Variants in ELFN1 observed in about 807,000 individuals in gnomAD.
ELFN1 encodes extracellular leucine rich repeat and fibronectin type III domain containing 1.
ELFN1 carries 6 observed loss-of-function variants against 7.6 expected under a neutral mutation model. That is an observed-to-expected ratio of 0.79 (90% CI 0.43 to 1.56). ELFN1 has a LOEUF of 1.56. Among genes scored for constraint, ELFN1 ranks in the 40% most tolerant of loss-of-function variants. The pLI, the probability that ELFN1 is intolerant of heterozygous loss-of-function variation, is 0.01. For synonymous variants in ELFN1, 657 were observed against 588.1 expected (o/e 1.12, Z -1.70); for missense variants, 1,169 against 1,232.2 (o/e 0.95, Z 0.77).
upstream of ELFN1, among the ~76,000 whole-genome samples, chr7:1,669,334 G>C (rs1017196822): frequency 6.6e-6 from 1 of 151,522 alleles, no homozygotes; most frequent in East Asian, 1.9e-4. Context: ...GCGGGCGGGG[G>C]ACAGGAAGCG....
chr7:1,689,472 T>C (rs1779116818), intron 2 of ELFN1, among the ~76,000 whole-genome samples: 1 of 152,170 alleles, frequency 6.6e-6, no homozygotes, highest in African/African-American at 2.4e-5. Flanking sequence ...GAACCATGAA[T>C]ACATTTCTGG....
In ELFN1 at chr7:1,673,603, T is replaced by G. The variant is rs1583304671; in HGVS notation, c.-549+3249T>G. Among the ~76,000 whole-genome samples the G allele has an allele frequency of 2.6e-5, 4 of 152,114 alleles. No homozygotes were observed. In the South Asian group the frequency reaches 8.3e-4, roughly 32 times the overall value. Reference sequence around the variant, plus strand: ...GAGGGCGGGAGGTGAGAGACCACCCTGGGAGCGCTGATGGCAGACAAGGGC... The same window carrying G: ...GAGGGCGGGAGGTGAGAGACCACCCGGGGAGCGCTGATGGCAGACAAGGGC... On this transcript the variant is annotated intron_variant, in intron 1 of 3. Transcript: ENST00000424383. The surrounding 1 kb of genome is among the most constrained non-coding windows in gnomAD (Gnocchi z 4.7).
chr7:1,709,677 T>A (rs1779609360), intron 3 of ELFN1, among the ~76,000 whole-genome samples: 1 of 152,246 alleles, frequency 6.6e-6, no homozygotes. Flanking sequence ...ACGGCATAGG[T>A]CACGTAGGTT....
At chr7:1,733,431 G>A (rs1780364941) in intron 3 of ELFN1, among the ~76,000 whole-genome samples, 1 of 152,146 alleles carries the variant, frequency 6.6e-6, no homozygotes. Flanking sequence ...GAGGCAGGAG[G>A]AGCCCTGGGC....
rs1268993875 is a variant in ELFN1, at chr7:1,695,263, C to T, written c.-456+7113C>T. On this transcript the variant is annotated intron_variant, in intron 2 of 3. Coordinates refer to ENST00000424383, the MANE Select transcript of ELFN1 (RefSeq NM_001128636.4). The surrounding 1 kb of genome is among the most constrained non-coding windows in gnomAD (Gnocchi z 5.1). The stretch of plus-strand genomic sequence containing the variant: ...CCAGGAAGTAGTAGCGTGCCAGGTG[C>T]GTGGCCGGCCTCCCAGCCCTTCCCA... Among the ~76,000 whole-genome samples, 3 of 152,346 alleles carry T rather than the reference C, an allele frequency of 2.0e-5. No homozygotes were observed. The highest frequency in any genetic ancestry group is 1.9e-4 in the East Asian group (1 of 5,182).
chr7:1,667,106 C>T (rs1365301587), upstream of ELFN1, among the ~76,000 whole-genome samples: 1 of 152,018 alleles, frequency 6.6e-6, no homozygotes, highest in Admixed American at 6.5e-5. This position sits in a 1 kb window ranked among gnomAD's most constrained non-coding sequence, Gnocchi z 8.2. Context: ...CCCATTTTCC[C>T]TCTTCGATCT....
intron 3 of ELFN1, among the ~76,000 whole-genome samples, chr7:1,716,889 T>A (rs946642068): frequency 6.6e-6 from 1 of 151,820 alleles, no homozygotes; most frequent in Non-Finnish European, 1.5e-5. Flanking sequence ...AAGAGGAGGA[T>A]CTGCAGGGGC....
upstream of ELFN1, among the ~76,000 whole-genome samples, chr7:1,670,209 C>A (rs982803124): frequency 1.3e-5 from 2 of 151,108 alleles, no homozygotes; most frequent in Admixed American, 6.6e-5. This position sits in a 1 kb window ranked among gnomAD's most constrained non-coding sequence, Gnocchi z 6.4. Context: ...CTTGAATTCC[C>A]CCCCGGCCGC....
chr7:1,700,253 AC>A (rs139299483), intron 2 of ELFN1, among the ~76,000 whole-genome samples: 15,539 of 152,180 alleles, frequency 0.1, 829 homozygotes, highest in Middle Eastern at 0.15. Flanking sequence ...GGAAAGAATA[AC>A]CACCGTGTGA....
intron 2 of ELFN1, among the ~76,000 whole-genome samples, chr7:1,708,190 C>T (rs1230766440): frequency 6.6e-6 from 1 of 152,246 alleles, no homozygotes; most frequent in Non-Finnish European, 1.5e-5. Flanking sequence ...CCCAGCTGTG[C>T]GACCCTGGCA....
chr7:1,670,914 G>T lies in ELFN1; in HGVS notation c.-549+560G>T. ...GTCACATTCCTCGGTCCCAGCCCCTGAGTCCAACCACTGGCGGGGGGGTGG... is the reference window on the plus strand; with the variant it reads ...GTCACATTCCTCGGTCCCAGCCCCTTAGTCCAACCACTGGCGGGGGGGTGG... On this transcript the variant is annotated intron_variant, in intron 1 of 3. Transcript: ENST00000424383. The surrounding 1 kb of genome is among the most constrained non-coding windows in gnomAD (Gnocchi z 6.4). Among the ~76,000 whole-genome samples the T allele has an allele frequency of 6.9e-6, 1 of 145,872 alleles. No homozygotes were observed. Among genetic ancestry groups the T allele is most frequent in the Admixed American group, 6.8e-5 (1 of 14,740 alleles).
intron 2 of ELFN1, among the ~76,000 whole-genome samples, chr7:1,694,689 C>T (rs966993584): frequency 3.9e-5 from 6 of 152,194 alleles, no homozygotes; most frequent in African/African-American, 9.7e-5. Context: ...CTTGCAGGAG[C>T]GAGGGTATGA....
At chr7:1,697,052 C>T (rs535713528) in intron 2 of ELFN1, among the ~76,000 whole-genome samples, 414 of 152,326 alleles carry the variant, frequency 2.7e-3, no homozygotes, top group African/African-American at 9.6e-3. Context: ...CCCAGCGCCC[C>T]TCACTGGCTT....
intron 2 of ELFN1, chr7:1,693,257 G>A: frequency 2.3e-6 from 1 of 436,196 alleles, no homozygotes; most frequent in Non-Finnish European, 4.9e-6. Context: ...GCAGACGTGG[G>A]GTTAGGAAGA....
chr7:1,705,267 C>G lies in ELFN1; in HGVS notation c.-455-3824C>G, dbSNP rs552697473. Among the ~76,000 whole-genome samples, 122 of 152,314 alleles carry G rather than the reference C, an allele frequency of 8.0e-4. 1 individual carries two copies. Among genetic ancestry groups the G allele is most frequent in the African/African-American group, 2.8e-3 (116 of 41,586 alleles). ...GCTGGCATCAGCAGGCGCCCCTCCT[C>G]CCCACCTCGCTAAACAATCATTGCA... On this transcript the variant is annotated intron_variant, in intron 2 of 3. Coordinates refer to ENST00000424383, the MANE Select transcript of ELFN1 (RefSeq NM_001128636.4). The surrounding 1 kb of genome is among the most constrained non-coding windows in gnomAD (Gnocchi z 4.3).
At position 1,746,559 on chromosome 7, in the gene ELFN1, G is replaced by A. The variant is rs960024528; in HGVS notation, c.1963G>A (p.Glu655Lys). 7 of 1,362,900 alleles carry A rather than the reference G, an allele frequency of 5.1e-6. No individual in the cohort carries two copies. The highest frequency in any genetic ancestry group is 3.9e-5 in the Admixed American group (1 of 25,430). The allele number at this position is 1,362,900 out of a possible 1,614,324, so 84.4% of individuals were successfully genotyped here. ...SVRSPRAFRA[E>K]AVGVHKAAAA... ...GCGCAGCCCCCGCGCCTTCCGAGCC[G>A]AGGCCGTCGGGGTGCACAAGGCCGC... is the stretch of plus-strand genomic sequence containing the variant. Residue 655 changes from glutamate (E) to lysine (K), a missense_variant, in exon 4 of 4, where the codon GAG (glutamate) becomes AAG (lysine). Around this residue, in one of 2 missense-constraint regions of ELFN1, gnomAD observed 914 missense variants for 872.6 expected, o/e 1.05. Transcript: ENST00000424383.
chr7:1,742,729 G>A (rs932148737), intron 3 of ELFN1, among the ~76,000 whole-genome samples: 5 of 152,208 alleles, frequency 3.3e-5, no homozygotes, highest in Admixed American at 1.3e-4. Context: ...CTAGGACCTC[G>A]TTGTAGCCCC....
At position 1,739,665 on chromosome 7, in the gene ELFN1, G is replaced by C. The variant is rs770346386; in HGVS notation, c.-293-4639G>C. The C allele has an allele frequency of 6.5e-6, 1 of 154,664 alleles. No individual in the cohort carries two copies. The highest frequency in any genetic ancestry group is 1.4e-5 in the Non-Finnish European group (1 of 69,654). The allele number at this position is 154,664 out of a possible 1,614,324, so 9.6% of individuals were successfully genotyped here. On this transcript the variant is annotated intron_variant, in intron 3 of 3. Coordinates refer to ENST00000424383, the MANE Select transcript of ELFN1 (RefSeq NM_001128636.4). The surrounding 1 kb of genome is among the most constrained non-coding windows in gnomAD (Gnocchi z 4.6). ...GTGAAGGAGGCTGGACAGAGAGGGC[G>C]GTGGCTGGGATGCTGGAGTGGAGAG...
intron 2 of ELFN1, among the ~76,000 whole-genome samples, chr7:1,698,623 G>A (rs926676654): frequency 6.6e-6 from 1 of 152,110 alleles, no homozygotes; most frequent in Non-Finnish European, 1.5e-5. Context: ...ATATACATGT[G>A]TATACACTAA....
Sources: allele counts gnomAD v4.1 joint callset (sites outside exome capture counted in the v4.1 genomes callset), GRCh38; gene constraint gnomAD v4.1.1; regional missense constraint gnomAD v4.1.1; non-coding constraint Gnocchi (gnomAD v3.1); transcripts MANE v1.5; gene names NCBI Gene and HGNC (gene_info 2026-07-23, HGNC 2026-07-21).